PRKN: variants seen among roughly 807,000 people sequenced by gnomAD.
PRKN encodes the protein parkin RBR E3 ubiquitin protein ligase, also known as E3 ubiquitin-protein ligase parkin.
PRKN carries 56 observed loss-of-function variants against 59.5 expected under a neutral mutation model. The observed-to-expected ratio is 0.94, with a 90% CI of 0.76 to 1.18. The LOEUF (loss-of-function observed/expected upper bound fraction) is 1.18. Ranked by LOEUF, PRKN falls within the 50% of genes most tolerant of loss-of-function variation. The pLI is 0.00. For synonymous variants in PRKN, 250 were observed against 222.1 expected (o/e 1.13, Z -1.12); for missense variants, 657 against 596.4 (o/e 1.10, Z -1.06).
At chr6:162,080,405 G>C (rs1303041817) in intron 4 of PRKN, among the ~76,000 whole-genome samples, 1 of 151,996 alleles carries the variant, frequency 6.6e-6, no homozygotes, top group Non-Finnish European at 1.5e-5. Context: ...TTAGTTACAG[G>C]CATAAGTTGG....
intron 4 of PRKN, among the ~76,000 whole-genome samples, chr6:162,115,776 T>C (rs968338056): frequency 2.6e-5 from 4 of 152,146 alleles, no homozygotes; most frequent in Non-Finnish European, 4.4e-5. Context: ...ATGTCTGAAG[T>C]AGACTCCCTA....
intron 7 of PRKN, among the ~76,000 whole-genome samples, chr6:161,686,092 A>T (rs1412951557): frequency 7.0e-6 from 1 of 142,564 alleles, no homozygotes; most frequent in African/African-American, 2.6e-5. Context: ...AAAAAAAAAA[A>T]AGAGTGGGTA....
At chr6:161,495,687 C>T (rs1458069120) in intron 9 of PRKN, among the ~76,000 whole-genome samples, 2 of 152,236 alleles carry the variant, frequency 1.3e-5, no homozygotes, top group African/African-American at 4.8e-5. Context: ...ACCACAGAGC[C>T]AGCCATGGGG....
intron 1 of PRKN, among the ~76,000 whole-genome samples, chr6:162,453,955 G>A (rs1790745425): frequency 6.6e-6 from 1 of 152,064 alleles, no homozygotes. Context: ...AAACTCTTTG[G>A]GGAAGGAGAT....
chr6:161,950,978 T>C (rs912787359), intron 6 of PRKN, among the ~76,000 whole-genome samples: 3 of 99,520 alleles, frequency 3.0e-5, no homozygotes, highest in Admixed American at 2.9e-4. Flanking sequence ...GCAAAACGTG[T>C]CTTTTTAGAA....
rs1779025631 is a variant in PRKN at position 161,526,602 on chromosome 6, T to A, written c.1083+22252A>T. 6.7e-6 allele frequency among the ~76,000 whole-genome samples: 1 copy of A among 150,302 alleles called. No individual in the cohort carries two copies. The highest frequency in any genetic ancestry group is 2.4e-5 in the African/African-American group (1 of 41,154). On this transcript the variant is annotated intron_variant, in intron 9 of 11. Transcript: ENST00000366898. The surrounding 1 kb of genome is among the most constrained non-coding windows in gnomAD (Gnocchi z 4.1). ...ATATAAGTAATATAAATAAATATAA[T>A]GAAATAAAATCTCAAAGCATCAGTA...
At chr6:162,169,759 AAATAT>A (rs1783174372) in intron 4 of PRKN, among the ~76,000 whole-genome samples, 1 of 152,200 alleles carries the variant, frequency 6.6e-6, no homozygotes, top group Non-Finnish European at 1.5e-5. Flanking sequence ...TGCTCCCAAA[AAATAT>A]TAAAGTCCTG....
chr6:162,005,820 G>A (rs532435554), intron 5 of PRKN, among the ~76,000 whole-genome samples: 275 of 152,158 alleles, frequency 1.8e-3, no homozygotes, highest in Non-Finnish European at 3.2e-3. Flanking sequence ...TAGATGTCAG[G>A]GTTGGAAGAT....
chr6:162,549,685 C>T (rs2846569), intron 1 of PRKN, among the ~76,000 whole-genome samples: 141,018 of 149,836 alleles, frequency 0.94, 66,467 homozygotes, highest in Middle Eastern at 0.97. Context: ...GTGGCCCAGG[C>T]TGAAGTGCAG....
At chr6:162,261,417 A>C (rs1779880373) in intron 3 of PRKN, among the ~76,000 whole-genome samples, 2 of 152,152 alleles carry the variant, frequency 1.3e-5, no homozygotes, top group Non-Finnish European at 2.9e-5. Context: ...TTTGGTTTAT[A>C]ATGTTGGAGC....
intron 4 of PRKN, among the ~76,000 whole-genome samples, chr6:162,166,600 C>A (rs1302449049): frequency 1.3e-5 from 2 of 152,132 alleles, no homozygotes; most frequent in Non-Finnish European, 2.9e-5. Flanking sequence ...GTGAAGTATA[C>A]TCATGTCTCC....
At chr6:161,981,305 A>G (rs1300214562) in intron 5 of PRKN, among the ~76,000 whole-genome samples, 1 of 152,250 alleles carries the variant, frequency 6.6e-6, no homozygotes, top group Non-Finnish European at 1.5e-5. Flanking sequence ...TTTCTAAGAC[A>G]CAACTACTAG....
chr6:162,142,815 T>C (rs1418390787), intron 4 of PRKN, among the ~76,000 whole-genome samples: 1 of 152,222 alleles, frequency 6.6e-6, no homozygotes, highest in African/African-American at 2.4e-5. Flanking sequence ...GTAGATTTTA[T>C]CATCATCTCT....
At chr6:161,850,582 A>AAAAAAAC (rs1201956099) in intron 6 of PRKN, among the ~76,000 whole-genome samples, 1 of 151,806 alleles carries the variant, frequency 6.6e-6, no homozygotes, top group African/African-American at 2.4e-5. Flanking sequence ...CTCAAAAAAA[A>AAAAAAAC]AAAAAAAAAA....
intron 1 of PRKN, among the ~76,000 whole-genome samples, chr6:162,517,235 G>A (rs1777899116): frequency 6.6e-6 from 1 of 151,366 alleles, no homozygotes; most frequent in Non-Finnish European, 1.5e-5. Flanking sequence ...GGAGGGCTGG[G>A]GTAGAACCCA....
chr6:161,360,927 G>T lies in PRKN; in HGVS notation c.1168-722C>A, dbSNP rs1217318919. Among the ~76,000 whole-genome samples the T allele has an allele frequency of 6.6e-6, 1 of 152,174 alleles. No individual in the cohort carries two copies. The highest frequency in any genetic ancestry group is 1.5e-5 in the Non-Finnish European group (1 of 68,038). ...CTCAGATGAAACACCTTGTGCATTG[G>T]GGGTATGGAGGATTCTATGAGTTAA... On this transcript the variant is annotated intron_variant, in intron 10 of 11. Coordinates refer to ENST00000366898, the MANE Select transcript of PRKN (RefSeq NM_004562.3). This position sits in a 1 kb window ranked among gnomAD's most constrained non-coding sequence, Gnocchi z 5.1.
In PRKN at chr6:161,829,636, C is replaced by A. The variant is rs565183928; in HGVS notation, c.735-43728G>T. ...GGAAGCCACTCTCAGGATGCAGCCT[C>A]TGGGTAGGCCCCGCAAAGGCCTCCG... is the stretch of plus-strand genomic sequence containing the variant. On this transcript the variant is annotated intron_variant, in intron 6 of 11. Transcript: ENST00000366898. Among the ~76,000 whole-genome samples, 64 of 152,202 alleles carry A rather than the reference C, an allele frequency of 4.2e-4. 1 individual carries two copies. In the South Asian group the frequency reaches 0.01, roughly 25 times the overall value.
chr6:162,303,576 T>C (rs899263362), intron 2 of PRKN, among the ~76,000 whole-genome samples: 3 of 151,762 alleles, frequency 2.0e-5, no homozygotes, highest in Non-Finnish European at 4.4e-5. Flanking sequence ...GCTTTTTCAT[T>C]GGAAATTGGT....
chr6:162,687,187 T>A, intron 1 of PRKN, among the ~76,000 whole-genome samples: 1 of 136,090 alleles, frequency 7.3e-6, no homozygotes, highest in East Asian at 2.1e-4. Context: ...AGCCTCTTTT[T>A]CTTTTTTTTT....
Sources: gnomAD v4.1 joint callset for allele counts (sites outside exome capture counted in the v4.1 genomes callset) on GRCh38, gnomAD v4.1.1 for gene constraint, Gnocchi (gnomAD v3.1) non-coding constraint, MANE v1.5 for transcripts, NCBI Gene and HGNC (gene_info 2026-07-23, HGNC 2026-07-21) for gene names.